The following MEGF11 variants were observed in gnomAD, a reference collection of about 807,000 sequenced individuals.
The protein encoded by MEGF11 is multiple EGF like domains 11.
A neutral mutation model predicts 146.6 loss-of-function variants in MEGF11; 126 were observed. That is an observed-to-expected ratio of 0.86 (90% CI 0.74 to 1.00). The LOEUF (loss-of-function observed/expected upper bound fraction) is 1.00, where lower values mean the gene tolerates loss of function less well. Ranked by LOEUF, MEGF11 falls within the 50% of genes least tolerant of loss-of-function variation. MEGF11 has a pLI of 0.00. For synonymous variants in MEGF11, 532 were observed against 583.4 expected (o/e 0.91, Z 1.27); for missense variants, 1,509 against 1,521.2 (o/e 0.99, Z 0.13).
At chr15:65,910,418 T>C (rs2078764654) in intron 21 of MEGF11, among the ~76,000 whole-genome samples, 1 of 152,188 alleles carries the variant, frequency 6.6e-6, no homozygotes, top group Admixed American at 6.5e-5. Flanking sequence ...GCCTTGCTCA[T>C]GAACACACAC....
intron 21 of MEGF11, among the ~76,000 whole-genome samples, chr15:65,910,572 G>A (rs1455468899): frequency 6.6e-6 from 1 of 152,094 alleles, no homozygotes; most frequent in East Asian, 1.9e-4. Context: ...CTGGGCTGAG[G>A]TGACCCAGAG....
intron 1 of MEGF11, among the ~76,000 whole-genome samples, chr15:66,198,090 C>A (rs1313471747): frequency 1.3e-5 from 2 of 152,182 alleles, no homozygotes; most frequent in African/African-American, 4.8e-5. Flanking sequence ...ATAATTGAAA[C>A]AGTTTTTCCA....
intron 5 of MEGF11, among the ~76,000 whole-genome samples, chr15:65,993,031 A>T (rs2082102092): frequency 6.6e-6 from 1 of 152,176 alleles, no homozygotes; most frequent in Non-Finnish European, 1.5e-5. Flanking sequence ...GAGAGGAGCA[A>T]GACTCCCGGA....
chr15:65,984,438 A>G (rs965414196), intron 5 of MEGF11, among the ~76,000 whole-genome samples: 7 of 141,318 alleles, frequency 5.0e-5, no homozygotes, highest in African/African-American at 1.8e-4. Flanking sequence ...AGTCAAGAGA[A>G]TTGCTTGAAC....
rs116731516 is a variant in MEGF11, at chr15:66,090,584, A to G, written c.394+3818T>C. On this transcript the variant is annotated intron_variant, in intron 5 of 25. Coordinates refer to ENST00000395614, the MANE Select transcript of MEGF11 (RefSeq NM_001385028.1). ...CCCATGGGGGCATATGTCACACACA[A>G]CATACTCACCACATGCTTTCTAAAC... Among the ~76,000 whole-genome samples, 222 of 152,376 alleles carry G rather than the reference A, an allele frequency of 1.5e-3. 1 individual carries two copies. The highest frequency in any genetic ancestry group is 5.2e-3 in the African/African-American group (217 of 41,582).
chr15:66,020,282 G>T (rs539731945), intron 5 of MEGF11, among the ~76,000 whole-genome samples: 1 of 152,238 alleles, frequency 6.6e-6, no homozygotes, highest in African/African-American at 2.4e-5. Context: ...TGGGCTGTTA[G>T]GCTGGGAGAC....
At chr15:65,958,276 C>T (rs146348380) in intron 9 of MEGF11, among the ~76,000 whole-genome samples, 1,950 of 152,350 alleles carry the variant, frequency 0.013, 26 homozygotes, top group Non-Finnish European at 0.02. Flanking sequence ...GCAACCCCAA[C>T]CTACGCTTTG....
At chr15:65,963,683 T>C (rs939448369) in intron 9 of MEGF11, among the ~76,000 whole-genome samples, 3 of 152,224 alleles carry the variant, frequency 2.0e-5, no homozygotes, top group African/African-American at 7.2e-5. Flanking sequence ...AGTGAATGAA[T>C]GCTCAGGTCA....
intron 9 of MEGF11, among the ~76,000 whole-genome samples, chr15:65,963,658 T>C (rs1468717375): frequency 6.6e-6 from 1 of 152,322 alleles, no homozygotes; most frequent in Middle Eastern, 3.4e-3. Context: ...TCAGTGTTTG[T>C]TGAATGAATG....
intron 1 of MEGF11, among the ~76,000 whole-genome samples, chr15:66,151,549 C>A (rs973823022): frequency 2.6e-5 from 4 of 152,212 alleles, no homozygotes; most frequent in African/African-American, 9.7e-5. Context: ...ACATCTCCTT[C>A]CAGGCTGATA....
At chr15:66,162,179 A>G (rs2089971032) in intron 1 of MEGF11, among the ~76,000 whole-genome samples, 1 of 152,162 alleles carries the variant, frequency 6.6e-6, no homozygotes, top group African/African-American at 2.4e-5. Flanking sequence ...CCACCCTGAG[A>G]AGTAAGGTTC....
chr15:65,939,450 A>G (rs1198244250), intron 10 of MEGF11, among the ~76,000 whole-genome samples: 1 of 151,286 alleles, frequency 6.6e-6, no homozygotes, highest in Admixed American at 6.6e-5. Flanking sequence ...GCTAACCATT[A>G]CACTAGACTA....
intron 24 of MEGF11, among the ~76,000 whole-genome samples, chr15:65,900,096 G>A (rs553765256): frequency 6.6e-6 from 1 of 152,302 alleles, no homozygotes; most frequent in African/African-American, 2.4e-5. Flanking sequence ...TAATCTAGCA[G>A]CTCTGACCTT....
Position 66,188,395 on chromosome 15 carries a change from GA to G in MEGF11, c.-8-59985del, listed in dbSNP as rs796659138. The stretch of plus-strand genomic sequence containing the variant: ...TATAACATGAAAAGAAAGAAAGGAA[GA>G]AAAAAAAAAACCTTGCCAGGTTACA... On this transcript the variant is annotated intron_variant, in intron 1 of 25. Transcript: ENST00000395614. Among the ~76,000 whole-genome samples, 331 of 145,798 alleles carry G rather than the reference GA, an allele frequency of 2.3e-3. 5 individuals are homozygous for G. The highest frequency in any genetic ancestry group is 7.2e-3 in the African/African-American group (289 of 39,952).
intron 5 of MEGF11, among the ~76,000 whole-genome samples, chr15:66,029,637 T>C (rs560525224): frequency 4.6e-5 from 7 of 152,196 alleles, no homozygotes; most frequent in Non-Finnish European, 1.0e-4. Context: ...GACCCAGAGA[T>C]GTCAAGAATT....
rs78221649 is a variant in MEGF11 at position 66,110,102 on chromosome 15, G to A, written c.301+8984C>T. ...ACCACCGTGTGGCTCCCAAACAGGC[G>A]GAGTTCCAGGGTGGAACAGGAGGAA... On this transcript the variant is annotated intron_variant, in intron 4 of 25. Transcript: ENST00000395614. Among the ~76,000 whole-genome samples the A allele has an allele frequency of 6.5e-3, 982 of 152,218 alleles. 13 individuals carry two copies. The highest frequency in any genetic ancestry group is 0.022 in the African/African-American group (922 of 41,530).
chr15:65,929,353 C>G (rs1174831478), intron 12 of MEGF11, among the ~76,000 whole-genome samples: 1 of 152,214 alleles, frequency 6.6e-6, no homozygotes, highest in African/African-American at 2.4e-5. Context: ...TAAACATTAT[C>G]TACCAACGAA....
At chr15:66,243,630 A>T (rs565540312) in intron 1 of MEGF11, among the ~76,000 whole-genome samples, 1 of 152,184 alleles carries the variant, frequency 6.6e-6, no homozygotes, top group Non-Finnish European at 1.5e-5. Context: ...ATATTCATGG[A>T]GACTGGCATG....
At chr15:65,923,015 A>G (rs1239859204) in intron 13 of MEGF11, 46 bp from the exon 14 acceptor site, 1 of 1,595,022 alleles carries the variant, frequency 6.3e-7, no homozygotes, top group South Asian at 1.1e-5. Context: ...AGAGGTGAGG[A>G]TGAAGGGAAG....
Sources: allele counts gnomAD v4.1 joint callset (sites outside exome capture counted in the v4.1 genomes callset), GRCh38; gene constraint gnomAD v4.1.1; transcripts MANE v1.5; gene names NCBI Gene and HGNC (gene_info 2026-07-23, HGNC 2026-07-21).